Variants in ARHGEF10 observed in about 807,000 individuals in gnomAD.
The protein encoded by ARHGEF10 is Rho guanine nucleotide exchange factor (GEF) 10.
ARHGEF10 carries 140 observed loss-of-function variants against 147.4 expected under a neutral mutation model. The observed-to-expected ratio is 0.95, with a 90% CI of 0.83 to 1.09. The LOEUF (loss-of-function observed/expected upper bound fraction) is 1.09. Ranked by LOEUF, ARHGEF10 falls within the 50% of genes least tolerant of loss-of-function variation. The pLI, the probability that ARHGEF10 is intolerant of heterozygous loss-of-function variation, is 0.00. For synonymous variants in ARHGEF10, 902 were observed against 695.8 expected (o/e 1.30, Z -4.67); for missense variants, 2,222 against 1,752.7 (o/e 1.27, Z -4.78).
chr8:1,839,818 CTGTCTGG>C, intron 1 of ARHGEF10, among the ~76,000 whole-genome samples: 1 of 142,876 alleles, frequency 7.0e-6, no homozygotes, highest in Admixed American at 7.0e-5. Context: ...TGTGTGGAAG[CTGTCTGG>C]TGTGGGGACT....
chr8:1,950,288 G>A (rs941406304), intron 27 of ARHGEF10, among the ~76,000 whole-genome samples: 7 of 152,154 alleles, frequency 4.6e-5, no homozygotes, highest in East Asian at 3.9e-4. Flanking sequence ...GGCACGGGAC[G>A]CCTGGATAGC....
At chr8:1,922,298 A>G (rs1459410079) in intron 18 of ARHGEF10, among the ~76,000 whole-genome samples, 5 of 151,948 alleles carry the variant, frequency 3.3e-5, no homozygotes, top group African/African-American at 1.2e-4. Context: ...AGGAAAGATC[A>G]TTGGGGAACT....
At chr8:1,838,413 T>C (rs1220714690) in intron 1 of ARHGEF10, among the ~76,000 whole-genome samples, 1 of 150,906 alleles carries the variant, frequency 6.6e-6, no homozygotes, top group Non-Finnish European at 1.5e-5. Context: ...AATGAAGGAG[T>C]CTTCTCCTTC....
chr8:1,923,919 G>C (rs1212294154), intron 21 of ARHGEF10, 45 bp downstream of exon 21: 10 of 1,570,556 alleles, frequency 6.4e-6, no homozygotes, highest in Non-Finnish European at 8.8e-6. Context: ...GCGGCGTGAT[G>C]ATGAATTCCT....
At chr8:1,856,502 T>C (rs994687233) in intron 2 of ARHGEF10, among the ~76,000 whole-genome samples, 4 of 152,316 alleles carry the variant, frequency 2.6e-5, no homozygotes, top group African/African-American at 9.6e-5. Flanking sequence ...CAAAGGAAAA[T>C]GAAACACCTC....
Position 1,888,791 on chromosome 8 carries a change from A to G in ARHGEF10, c.1182+3084A>G, listed in dbSNP as rs75716634. On this transcript the variant is annotated intron_variant, in intron 11 of 28. Coordinates refer to ENST00000349830, the MANE Select transcript of ARHGEF10 (RefSeq NM_014629.4). ...TGAGGAGACACTGAGTGGGGTGAGTATTGTGAGGAGACACTGAGTGGGGTG... is the reference window on the plus strand; with the variant it reads ...TGAGGAGACACTGAGTGGGGTGAGTGTTGTGAGGAGACACTGAGTGGGGTG... Among the ~76,000 whole-genome samples the G allele has an allele frequency of 2.4e-3, 80 of 33,336 alleles. 4 individuals are homozygous for G. Among genetic ancestry groups the G allele is most frequent in the African/African-American group, 3.8e-3 (34 of 8,896 alleles). The allele number at this position is 33,336 out of a possible 152,430, so 21.9% of individuals were successfully genotyped here.
At chr8:1,860,481 G>C (rs1174122448) in intron 4 of ARHGEF10, among the ~76,000 whole-genome samples, 4 of 151,406 alleles carry the variant, frequency 2.6e-5, no homozygotes, top group Non-Finnish European at 5.9e-5. Flanking sequence ...CCATGCCCCT[G>C]ATGTGGCCTG....
At chr8:1,946,001 C>G (rs1308940152) in intron 27 of ARHGEF10, 2 of 446,846 alleles carry the variant, frequency 4.5e-6, no homozygotes, top group Non-Finnish European at 4.2e-6. Context: ...AAGCCAGGAC[C>G]TGAGGCTGAA....
At position 1,842,006 on chromosome 8, in the gene ARHGEF10, TGGGGCCGCGGCGGGAACTGGGG is replaced by T. The variant is rs1563162046; in HGVS notation, c.-47-1346_-47-1325del. 5.5e-3 allele frequency among the ~76,000 whole-genome samples: 407 copies of T among 73,404 alleles called. 13 individuals carry two copies. The highest frequency in any genetic ancestry group is 0.018 in the Middle Eastern group (2 of 110). The allele number at this position is 73,404 out of a possible 152,430, so 48.2% of individuals were successfully genotyped here. On this transcript the variant is annotated intron_variant, in intron 1 of 28. Transcript: ENST00000349830. ...CGGGAACTGGGGCCGCGGCGGGAACTGGGGCCGCGGCGGGAACTGGGGCCGCGGCGGGAACTGGGGCCGCGGC... is the reference window on the plus strand; with the variant it reads ...CGGGAACTGGGGCCGCGGCGGGAACTCCGCGGCGGGAACTGGGGCCGCGGC...
At chr8:1,848,649 T>A (rs1339231347) in intron 2 of ARHGEF10, among the ~76,000 whole-genome samples, 1 of 152,172 alleles carries the variant, frequency 6.6e-6, no homozygotes, top group Non-Finnish European at 1.5e-5. Context: ...ATTAAAAAAA[T>A]TACAATGCAT....
Position 1,902,840 on chromosome 8 carries a change from G to A in ARHGEF10, c.1651-441G>A, listed in dbSNP as rs111533098. Among the ~76,000 whole-genome samples the A allele has an allele frequency of 5.5e-3, 842 of 152,282 alleles. 8 individuals carry two copies. The highest frequency in any genetic ancestry group is 0.019 in the African/African-American group (800 of 41,554). ...GAGACTCGATCCTGCTGTGTGAGTT[G>A]ACACCATGGGTGCAGTATTCGGCAC... On this transcript the variant is annotated intron_variant, in intron 15 of 28. Coordinates refer to ENST00000349830, the MANE Select transcript of ARHGEF10 (RefSeq NM_014629.4).
At chr8:1,935,045 A>G (rs1459369107) in intron 26 of ARHGEF10, among the ~76,000 whole-genome samples, 1 of 152,228 alleles carries the variant, frequency 6.6e-6, no homozygotes, top group Non-Finnish European at 1.5e-5. Flanking sequence ...GAAATAAACA[A>G]TAAACTCATA....
intron 25 of ARHGEF10, among the ~76,000 whole-genome samples, chr8:1,930,101 G>A (rs983698618): frequency 6.6e-6 from 1 of 152,020 alleles, no homozygotes; most frequent in African/African-American, 2.4e-5. Context: ...CAGCTTCCTT[G>A]GTGCTGGCTG....
intron 27 of ARHGEF10, among the ~76,000 whole-genome samples, chr8:1,952,245 C>G (rs986186640): frequency 6.6e-6 from 1 of 152,172 alleles, no homozygotes; most frequent in Non-Finnish European, 1.5e-5. Context: ...GGCTGAGGGC[C>G]GGTTACTCGA....
At chr8:1,913,227 C>A (rs1354953287) in intron 18 of ARHGEF10, among the ~76,000 whole-genome samples, 2 of 152,062 alleles carry the variant, frequency 1.3e-5, no homozygotes, top group African/African-American at 4.8e-5. Flanking sequence ...CGGGCTCTGG[C>A]CTTCAAGGGT....
intron 18 of ARHGEF10, among the ~76,000 whole-genome samples, chr8:1,922,717 C>T (rs994943768): frequency 1.3e-5 from 2 of 152,176 alleles, no homozygotes; most frequent in Non-Finnish European, 2.9e-5. Context: ...ATGTTATCCT[C>T]TGAGGAAGCC....
chr8:1,866,686 G>A, intron 6 of ARHGEF10, 84 bp downstream of exon 6: 7 of 1,217,248 alleles, frequency 5.8e-6, no homozygotes, highest in Non-Finnish European at 8.4e-6. Flanking sequence ...CTGAGTCTCA[G>A]GTCCCATCAG....
At chr8:1,886,808 T>C (rs1375697273) in intron 11 of ARHGEF10, among the ~76,000 whole-genome samples, 1 of 152,176 alleles carries the variant, frequency 6.6e-6, no homozygotes, top group Non-Finnish European at 1.5e-5. Context: ...AACTGCATCC[T>C]CCAGCTATGC....
chr8:1,824,964 A>C (rs368034652), intron 1 of ARHGEF10, among the ~76,000 whole-genome samples: 33 of 16,278 alleles, frequency 2.0e-3, no homozygotes, highest in East Asian at 3.9e-3. Flanking sequence ...CCCGCACCCC[A>C]CCTGTCCCCT....
Sources: allele counts gnomAD v4.1 joint callset (sites outside exome capture counted in the v4.1 genomes callset), GRCh38; gene constraint gnomAD v4.1.1; transcripts MANE v1.5; gene names NCBI Gene and HGNC (gene_info 2026-07-23, HGNC 2026-07-21).